The following MAOB variants were observed in gnomAD, a reference collection of about 807,000 sequenced individuals.
The protein encoded by MAOB is amine oxidase [flavin-containing] B.
Under a neutral mutation model 41.9 loss-of-function variants are expected in MAOB, and 15 were observed. The observed-to-expected ratio is 0.36, with a 90% CI of 0.24 to 0.55. The LOEUF is 0.55. MAOB is among the 20% of genes least tolerant of loss of function. The pLI, the probability that MAOB is intolerant of heterozygous loss-of-function variation, is 0.86. For synonymous variants in MAOB, 167 were observed against 144.2 expected (o/e 1.16, Z -1.13); for missense variants, 345 against 398.7 (o/e 0.87, Z 1.15).
chrX:43,822,153 C>G (rs2147151770), intron 3 of MAOB, among the ~76,000 whole-genome samples: 1 of 112,452 alleles, frequency 8.9e-6, no homozygotes, highest in African/African-American at 3.2e-5. Flanking sequence ...AATGCTGGTG[C>G]AGGTACCAAA....
chrX:43,820,418 T>C (rs2034867237), intron 3 of MAOB, among the ~76,000 whole-genome samples: 2 of 112,463 alleles, frequency 1.8e-5, no homozygotes, highest in African/African-American at 6.5e-5. Context: ...AGATATGTTA[T>C]GGTTTGGAAA....
chrX:43,829,456 T>G (rs747591224), intron 3 of MAOB, among the ~76,000 whole-genome samples: 8 of 112,591 alleles, frequency 7.1e-5, no homozygotes, highest in African/African-American at 2.3e-4. Context: ...TTGAATTTAT[T>G]GCGCAGTGTC....
intron 9 of MAOB, 22 bp from the exon 10 acceptor site, chrX:43,780,417 AAG>A (rs759427298): frequency 1.1e-5 from 12 of 1,131,003 alleles, no homozygotes; most frequent in Non-Finnish European, 1.5e-5. Context: ...AAACAAGAAA[AAG>A]GGGAGAAATT....
chrX:43,856,077 C>T (rs1282213035), intron 1 of MAOB, among the ~76,000 whole-genome samples: 1 of 111,662 alleles, frequency 9.0e-6, no homozygotes, highest in African/African-American at 3.3e-5. Context: ...ATTTTTTAAG[C>T]AGCGTTCAAC....
At chrX:43,857,102 TATATATATATATATAGAGAGAG>T (rs1259030262) in intron 1 of MAOB, among the ~76,000 whole-genome samples, 3 of 23,773 alleles carry the variant, frequency 1.3e-4, no homozygotes, top group Non-Finnish European at 2.0e-4. Context: ...TATATATATA[TATATATATATATATAGAGAGAG>T]AGAGAGAGAG....
chrX:43,767,721 G>C (rs5952671), intron 14 of MAOB, 103 bp from the exon 15 acceptor site: 20,670 of 699,960 alleles, frequency 0.03, 957 homozygotes, highest in South Asian at 0.2. Context: ...TCTTGCCAAC[G>C]TCTAGACCAG....
Position 43,819,122 on chromosome X carries a change from C to T in MAOB, c.280-15718G>A, listed in dbSNP as rs768195505. 6.9e-4 allele frequency among the ~76,000 whole-genome samples: 77 copies of T among 111,744 alleles called. No homozygotes were observed. The South Asian group carries it at 0.011, about 16-fold the overall frequency. On this transcript the variant is annotated intron_variant, in intron 3 of 14. Transcript: ENST00000378069. ...AAAAGCCCCAATAAACAAAGTTTGG[C>T]GTGGAACTACTAAAGAGAAGAGTGG... is the stretch of plus-strand genomic sequence containing the variant.
intron 1 of MAOB, among the ~76,000 whole-genome samples, chrX:43,877,545 C>T (rs370458121): frequency 8.9e-6 from 1 of 111,783 alleles, no homozygotes; most frequent in East Asian, 2.8e-4. Context: ...GCTTGATATG[C>T]TACCTTTTTA....
At chrX:43,768,393 C>A (rs1328392203) in intron 14 of MAOB, among the ~76,000 whole-genome samples, 1 of 110,671 alleles carries the variant, frequency 9.0e-6, no homozygotes, top group Non-Finnish European at 1.9e-5. Flanking sequence ...TTTTAGAAGT[C>A]TCCGAGAAAT....
At chrX:43,771,993 G>A (rs944938350) in intron 12 of MAOB, among the ~76,000 whole-genome samples, 15 of 111,356 alleles carry the variant, frequency 1.3e-4, no homozygotes, top group African/African-American at 4.2e-4. Context: ...GCATAATCAC[G>A]ACAATCATTT....
chrX:43,866,582 C>A (rs894866836), intron 1 of MAOB, among the ~76,000 whole-genome samples: 7 of 112,240 alleles, frequency 6.2e-5, no homozygotes, highest in African/African-American at 2.3e-4. Context: ...GGAGTTATTG[C>A]TTAATGCGTA....
chrX:43,767,513 C>T lies in MAOB; in HGVS notation c.1516G>A (p.Ala506Thr), dbSNP rs1022361259. The T allele has an allele frequency of 2.5e-6, 3 of 1,210,617 alleles. No individual in the cohort carries two copies. Among genetic ancestry groups the T allele is most frequent in the Non-Finnish European group, 3.4e-6 (3 of 895,050 alleles). Residue 506 changes from alanine (A) to threonine (T), a missense_variant, in exon 15 of 15, where the codon GCT becomes ACT. Transcript: ENST00000378069. ...CTTTTGTGGGCCAGGAAGCCAAGAG[C>T]CGTTGCTGAAAAGATGGTGGTCAAT... ...IGLTTIFSAT[A>T]LGFLAHKRGL...
intron 11 of MAOB, among the ~76,000 whole-genome samples, chrX:43,776,880 G>A (rs1360306934): frequency 1.2e-4 from 13 of 107,580 alleles, no homozygotes; most frequent in East Asian, 6.0e-4. Flanking sequence ...TTGTCCCTGC[G>A]ATAGTTTGCT....
chrX:43,777,816 A>C (rs1484832219), intron 11 of MAOB, among the ~76,000 whole-genome samples: 1 of 112,316 alleles, frequency 8.9e-6, no homozygotes. Context: ...AATGCTTCAC[A>C]GATAATTGGA....
chrX:43,808,763 T>A (rs181165001), intron 3 of MAOB, among the ~76,000 whole-genome samples: 6 of 109,674 alleles, frequency 5.5e-5, no homozygotes, highest in Admixed American at 2.0e-4. Flanking sequence ...GGAGTGCAGT[T>A]GCACAATCTT....
intron 8 of MAOB, among the ~76,000 whole-genome samples, chrX:43,788,775 G>C (rs2034430514): frequency 9.1e-6 from 1 of 110,325 alleles, no homozygotes; most frequent in African/African-American, 3.3e-5. Flanking sequence ...ACATGTTTTT[G>C]GAAAAATATA....
chrX:43,854,942 G>T (rs1395034652), intron 1 of MAOB, among the ~76,000 whole-genome samples: 1 of 111,356 alleles, frequency 9.0e-6, no homozygotes, highest in Non-Finnish European at 1.9e-5. Context: ...TGACATTTAT[G>T]TAACTATTCA....
At chrX:43,850,056 C>T (rs2035239332) in intron 1 of MAOB, among the ~76,000 whole-genome samples, 1 of 111,719 alleles carries the variant, frequency 9.0e-6, no homozygotes, top group African/African-American at 3.3e-5. Flanking sequence ...ACAATAATGC[C>T]ATGAATCTGG....
chrX:43,864,532 T>C (rs967034450), intron 1 of MAOB, among the ~76,000 whole-genome samples: 1 of 111,820 alleles, frequency 8.9e-6, no homozygotes, highest in Admixed American at 9.5e-5. Context: ...AACAATCACC[T>C]CAAACAATGG....
Sources: allele counts gnomAD v4.1 joint callset (sites outside exome capture counted in the v4.1 genomes callset), GRCh38; gene constraint gnomAD v4.1.1; transcripts MANE v1.5; gene names NCBI Gene and HGNC (gene_info 2026-07-23, HGNC 2026-07-21).